Variants in MAP3K13 observed in about 807,000 individuals in gnomAD.
The protein encoded by MAP3K13 is mitogen-activated protein kinase kinase kinase 13, also known as leucine zipper-bearing kinase.
A neutral mutation model predicts 104.0 loss-of-function variants in MAP3K13; 52 were observed. The observed-to-expected ratio is 0.50, with a 90% CI of 0.40 to 0.63. The LOEUF (loss-of-function observed/expected upper bound fraction) is 0.63. MAP3K13 is among the 20% of genes least tolerant of loss of function. The pLI is 0.00. For missense variants in MAP3K13, 914 were observed against 1,218.5 expected, an observed-to-expected ratio of 0.75 and a Z score of 3.72; for synonymous variants, 394 against 442.2, an observed-to-expected ratio of 0.89 and a Z score of 1.37.
chr3:185,472,669 GCT>G (rs1717873155), intron 10 of MAP3K13, among the ~76,000 whole-genome samples: 1 of 152,136 alleles, frequency 6.6e-6, no homozygotes, highest in Non-Finnish European at 1.5e-5. Flanking sequence ...AATTCATGTT[GCT>G]CTGATAGGGG....
At chr3:185,471,195 A>C (rs2148921156) in intron 10 of MAP3K13, among the ~76,000 whole-genome samples, 1 of 152,164 alleles carries the variant, frequency 6.6e-6, no homozygotes, top group Middle Eastern at 3.4e-3. Context: ...GTTTTGGCTA[A>C]CTTTCTAAAA....
At position 185,456,425 on chromosome 3, in the gene MAP3K13, G is replaced by A. The variant is rs150604023; in HGVS notation, c.1278+5030G>A. Among the ~76,000 whole-genome samples the A allele has an allele frequency of 5.7e-3, 861 of 152,084 alleles. 8 individuals are homozygous for A. Among genetic ancestry groups the A allele is most frequent in the African/African-American group, 0.02 (810 of 41,462 alleles). On this transcript the variant is annotated intron_variant, in intron 7 of 13. Transcript: ENST00000265026. ...TCAGATCAATTCCCTTAGCACTATC[G>A]CCCATCTGTTCAGATACATGTAGGT...
chr3:185,301,927 C>T (rs1721122517), intron 2 of MAP3K13, among the ~76,000 whole-genome samples: 1 of 152,122 alleles, frequency 6.6e-6, no homozygotes, highest in East Asian at 1.9e-4. Context: ...TCTTCTTTCT[C>T]ATATTTTTTA....
rs1010543891 is a variant in MAP3K13, at chr3:185,443,426, G to A, written c.660-19G>A. On this transcript the variant is annotated intron_variant, in intron 3 of 13. Coordinates refer to ENST00000265026, the MANE Select transcript of MAP3K13 (RefSeq NM_004721.5). The stretch of plus-strand genomic sequence containing the variant: ...CTTGTATGTGTGTATTGATGTACAT[G>A]TTTATGTTTTCTTGGAAGGGGTGTT... The A allele has an allele frequency of 1.9e-6, 3 of 1,586,898 alleles. No individual in the cohort carries two copies. Among genetic ancestry groups the A allele is most frequent in the African/African-American group, 2.7e-5 (2 of 74,312 alleles).
rs1477738873 is a variant in MAP3K13 at position 185,315,366 on chromosome 3, T to C, written c.-86+29723T>C. ...TAACAAAAAGGGGAGAGAATGTATG[T>C]GTGTATGTCTTAACAAAAACAGATT... On this transcript the variant is annotated intron_variant, in intron 2 of 14. Coordinates refer to the MAP3K13 transcript ENST00000424227. The surrounding 1 kb of genome is among the most constrained non-coding windows in gnomAD (Gnocchi z 4.3). Among the ~76,000 whole-genome samples the C allele has an allele frequency of 6.6e-6, 1 of 152,156 alleles. No homozygotes were observed. Among genetic ancestry groups the C allele is most frequent in the Non-Finnish European group, 1.5e-5 (1 of 68,016 alleles).
At chr3:185,320,216 G>A (rs1721809429) in intron 2 of MAP3K13, among the ~76,000 whole-genome samples, 1 of 151,972 alleles carries the variant, frequency 6.6e-6, no homozygotes, top group Non-Finnish European at 1.5e-5. Context: ...AAGTAGCTGG[G>A]ATTACAGGCG....
intron 7 of MAP3K13, among the ~76,000 whole-genome samples, chr3:185,455,617 G>T (rs376981113): frequency 0.024 from 204 of 8,476 alleles, 46 homozygotes; most frequent in Middle Eastern, 0.12. Context: ...ATATATATGA[G>T]ATATATGATA....
chr3:185,432,486 G>A (rs1453603248), intron 2 of MAP3K13, among the ~76,000 whole-genome samples: 1 of 151,964 alleles, frequency 6.6e-6, no homozygotes, highest in Admixed American at 6.6e-5. Context: ...CACCACGCCC[G>A]GCCCTAATTT....
At chr3:185,393,051 C>CA (rs1008306155) in intron 1 of MAP3K13, among the ~76,000 whole-genome samples, 14 of 150,512 alleles carry the variant, frequency 9.3e-5, no homozygotes, top group African/African-American at 2.7e-4. Context: ...GACTCCATCT[C>CA]AAAAAAAATA....
At chr3:185,403,847 T>C (rs1410492034) in intron 1 of MAP3K13, among the ~76,000 whole-genome samples, 1 of 152,248 alleles carries the variant, frequency 6.6e-6, no homozygotes, top group Non-Finnish European at 1.5e-5. Context: ...TATATCTTTC[T>C]TTAAAAAGTC....
intron 2 of MAP3K13, among the ~76,000 whole-genome samples, chr3:185,342,757 C>T (rs960991524): frequency 5.9e-5 from 9 of 152,114 alleles, no homozygotes; most frequent in African/African-American, 1.4e-4. Flanking sequence ...TCTCTTACTG[C>T]GTAACAATAT....
intron 1 of MAP3K13, among the ~76,000 whole-genome samples, chr3:185,370,381 A>G (rs1724092934): frequency 6.6e-6 from 1 of 152,134 alleles, no homozygotes; most frequent in South Asian, 2.1e-4. Flanking sequence ...TTTTTAGTAG[A>G]GACAGGGTTT....
intron 5 of MAP3K13, 55 bp downstream of exon 5, chr3:185,448,002 A>T: frequency 1.3e-6 from 2 of 1,539,342 alleles, no homozygotes; most frequent in Admixed American, 1.8e-5. Flanking sequence ...CTTTCGCCCT[A>T]TTAGCACTGT....
intron 2 of MAP3K13, among the ~76,000 whole-genome samples, chr3:185,353,088 C>A (rs940351253): frequency 3.3e-5 from 5 of 152,236 alleles, no homozygotes; most frequent in Non-Finnish European, 7.3e-5. Flanking sequence ...TAATTACATT[C>A]ATGAGTACAC....
At chr3:185,325,386 T>C (rs1054418155) in intron 2 of MAP3K13, among the ~76,000 whole-genome samples, 3 of 152,156 alleles carry the variant, frequency 2.0e-5, no homozygotes, top group Admixed American at 1.3e-4. Flanking sequence ...CAGCAAAGCC[T>C]CCTTTTCCAA....
At chr3:185,285,804 T>A (rs528648455) in intron 2 of MAP3K13, among the ~76,000 whole-genome samples, 1 of 152,324 alleles carries the variant, frequency 6.6e-6, no homozygotes, top group East Asian at 1.9e-4. Context: ...ATGAAGCAAT[T>A]GTTCTTATTT....
rs574002708 is a variant in MAP3K13 at position 185,333,694 on chromosome 3, G to C, written c.-86+48051G>C. On this transcript the variant is annotated intron_variant, in intron 2 of 14. Coordinates refer to the MAP3K13 transcript ENST00000424227. ...GGATCACTTGAGGCCAGGAGTTAAA[G>C]ACCAGCCTGGGCAACATAGCAAGAC... is the stretch of plus-strand genomic sequence containing the variant. Among the ~76,000 whole-genome samples, 730 of 150,260 alleles carry C rather than the reference G, an allele frequency of 4.9e-3. 5 individuals carry two copies. Among genetic ancestry groups the C allele is most frequent in the Non-Finnish European group, 8.8e-3 (595 of 67,834 alleles).
Position 185,423,810 on chromosome 3 carries a change from C to G in MAP3K13, c.-85-4687C>G, listed in dbSNP as rs746633789. On this transcript the variant is annotated intron_variant, in intron 1 of 13. Coordinates refer to ENST00000265026, the MANE Select transcript of MAP3K13 (RefSeq NM_004721.5). The surrounding 1 kb of genome is among the most constrained non-coding windows in gnomAD (Gnocchi z 4.1). ...TTACCCTTGCTGCACACTGCTCCCC[C>G]ACATTAGCCACTGCTGTTTCTGGGT... Among the ~76,000 whole-genome samples the G allele has an allele frequency of 1.6e-4, 24 of 152,204 alleles. No homozygotes were observed. The highest frequency in any genetic ancestry group is 5.9e-5 in the Non-Finnish European group (4 of 68,040).
Position 185,450,613 on chromosome 3 carries a change from A to T in MAP3K13, c.1169+555A>T, listed in dbSNP as rs1009041258. 1.3e-4 allele frequency among the ~76,000 whole-genome samples: 19 copies of T among 151,766 alleles called. No homozygotes were observed. The highest frequency in any genetic ancestry group is 2.7e-4 in the Non-Finnish European group (18 of 67,904). Reference sequence around the variant, plus strand: ...GAGACCCCATCTCTGTGTTAAAAACATAAAATAAAATAAAATATAAATAAA... The same window carrying T: ...GAGACCCCATCTCTGTGTTAAAAACTTAAAATAAAATAAAATATAAATAAA... On this transcript the variant is annotated intron_variant, in intron 6 of 13. Coordinates refer to ENST00000265026, the MANE Select transcript of MAP3K13 (RefSeq NM_004721.5). This position sits in a 1 kb window ranked among gnomAD's most constrained non-coding sequence, Gnocchi z 4.2.
Sources: gnomAD v4.1 joint callset for allele counts (sites outside exome capture counted in the v4.1 genomes callset) on GRCh38, gnomAD v4.1.1 for gene constraint, Gnocchi (gnomAD v3.1) non-coding constraint, MANE v1.5 for transcripts, NCBI Gene and HGNC (gene_info 2026-07-23, HGNC 2026-07-21) for gene names.